Variants in ZRANB3 observed in about 807,000 individuals in gnomAD.
The protein encoded by ZRANB3 is DNA annealing helicase and endonuclease ZRANB3.
In ZRANB3, 125 loss-of-function variants were observed where a neutral mutation model predicts 133.8. The ratio of observed to expected loss-of-function variants is 0.93; its 90% confidence interval spans 0.81 to 1.08. ZRANB3 has a LOEUF of 1.08. Among genes scored for constraint, ZRANB3 ranks in the 50% least tolerant of loss-of-function variants. ZRANB3 has a pLI of 0.00. For synonymous variants in ZRANB3, 387 were observed against 432.7 expected (o/e 0.89, Z 1.31); for missense variants, 1,229 against 1,275.5 (o/e 0.96, Z 0.56).
chr2:135,476,586 G>C (rs1691507196), intron 2 of ZRANB3, among the ~76,000 whole-genome samples: 1 of 151,168 alleles, frequency 6.6e-6, no homozygotes, highest in Non-Finnish European at 1.5e-5. Context: ...ACTGTACTTT[G>C]TACATTTTCT....
At chr2:135,424,598 TGGAAG>T (rs1574083328) in intron 2 of ZRANB3, among the ~76,000 whole-genome samples, 1 of 152,022 alleles carries the variant, frequency 6.6e-6, no homozygotes, top group Non-Finnish European at 1.5e-5. Context: ...CCGAGCATGG[TGGAAG>T]GCACCTGTAA....
At chr2:135,260,617 A>G (rs1659448653) in intron 12 of ZRANB3, among the ~76,000 whole-genome samples, 1 of 147,408 alleles carries the variant, frequency 6.8e-6, no homozygotes, top group Non-Finnish European at 1.5e-5. Flanking sequence ...TATATGTACT[A>G]TATATACTAT....
chr2:135,351,965 A>C (rs1685227097), intron 4 of ZRANB3, among the ~76,000 whole-genome samples: 1 of 152,206 alleles, frequency 6.6e-6, no homozygotes, highest in Non-Finnish European at 1.5e-5. Flanking sequence ...AATAATATAA[A>C]AACTAGATGC....
chr2:135,358,603 G>A (rs1267825493), intron 3 of ZRANB3, among the ~76,000 whole-genome samples: 2 of 152,140 alleles, frequency 1.3e-5, no homozygotes, highest in South Asian at 2.1e-4. Context: ...AGTATGAAAT[G>A]TAAAACATTA....
chr2:135,273,767 C>A (rs577469678), intron 9 of ZRANB3, among the ~76,000 whole-genome samples: 55 of 152,214 alleles, frequency 3.6e-4, no homozygotes, highest in Non-Finnish European at 6.9e-4. Context: ...GAACTCCCGA[C>A]CTCAGATGAT....
chr2:135,380,310 G>T (rs562030976), intron 3 of ZRANB3, among the ~76,000 whole-genome samples: 1 of 152,242 alleles, frequency 6.6e-6, no homozygotes, highest in South Asian at 2.1e-4. Context: ...GCACCAAGCG[G>T]ACCTAATAGA....
intron 8 of ZRANB3, among the ~76,000 whole-genome samples, chr2:135,293,277 G>A (rs989889501): frequency 3.4e-4 from 51 of 152,094 alleles, no homozygotes; most frequent in African/African-American, 1.2e-3. Flanking sequence ...TCATTGAGCA[G>A]TGGTTTGTAG....
intron 20 of ZRANB3, 94 bp from the exon 21 acceptor site, chr2:135,200,534 TAC>T (rs1485773916): frequency 1.0e-6 from 1 of 987,176 alleles, no homozygotes; most frequent in Non-Finnish European, 1.5e-6. Context: ...TTGGAAAATC[TAC>T]AGTCACTACA....
At chr2:135,263,633 C>T (rs1430021898) in intron 12 of ZRANB3, among the ~76,000 whole-genome samples, 1 of 151,934 alleles carries the variant, frequency 6.6e-6, no homozygotes, top group African/African-American at 2.4e-5. Context: ...AGCAAGGAAG[C>T]ACTCAGAGAA....
At chr2:135,247,856 G>A (rs1332172421) in intron 12 of ZRANB3, among the ~76,000 whole-genome samples, 1 of 152,218 alleles carries the variant, frequency 6.6e-6, no homozygotes, top group Non-Finnish European at 1.5e-5. Flanking sequence ...GCGAAAGGGA[G>A]TGTGGAGGGT....
intron 5 of ZRANB3, among the ~76,000 whole-genome samples, chr2:135,346,203 T>C (rs113651760): frequency 0.062 from 9,437 of 152,248 alleles, 576 homozygotes; most frequent in African/African-American, 0.16. Flanking sequence ...TTCACGCCAT[T>C]CTCTCGCCTC....
At chr2:135,355,940 T>C (rs1685411031) in intron 3 of ZRANB3, among the ~76,000 whole-genome samples, 2 of 152,194 alleles carry the variant, frequency 1.3e-5, no homozygotes, top group African/African-American at 4.8e-5. Flanking sequence ...ATTCTATCAC[T>C]AGAACCTCAG....
chr2:135,376,807 C>A (rs1686449682), intron 3 of ZRANB3, among the ~76,000 whole-genome samples: 1 of 152,080 alleles, frequency 6.6e-6, no homozygotes, highest in Non-Finnish European at 1.5e-5. Context: ...AACTTTATCG[C>A]ATAAAGAGTA....
chr2:135,311,485 G>A (rs1682970262), intron 8 of ZRANB3, among the ~76,000 whole-genome samples: 1 of 151,586 alleles, frequency 6.6e-6, no homozygotes, highest in South Asian at 2.1e-4. Context: ...GAAAATATAT[G>A]ACTACACAAA....
chr2:135,472,228 C>T (rs560600176), intron 2 of ZRANB3, among the ~76,000 whole-genome samples: 10 of 152,234 alleles, frequency 6.6e-5, no homozygotes, highest in Admixed American at 2.0e-4. Flanking sequence ...TGGCCGGGCA[C>T]GGTGGCTCAT....
intron 2 of ZRANB3, among the ~76,000 whole-genome samples, chr2:135,441,931 T>A (rs1043397062): frequency 1.3e-5 from 2 of 152,124 alleles, no homozygotes; most frequent in African/African-American, 4.8e-5. Context: ...CAGTCTAAAG[T>A]GAAGGAACAT....
At chr2:135,404,541 A>G (rs1160824816) in intron 2 of ZRANB3, among the ~76,000 whole-genome samples, 1 of 152,244 alleles carries the variant, frequency 6.6e-6, no homozygotes, top group Non-Finnish European at 1.5e-5. Context: ...GATATTATCC[A>G]GGAGAACTTC....
chr2:135,325,428 G>C (rs887882858), intron 6 of ZRANB3, among the ~76,000 whole-genome samples: 2 of 151,272 alleles, frequency 1.3e-5, no homozygotes, highest in African/African-American at 4.9e-5. Context: ...TTTTTTTTGA[G>C]ATGGAGTCTC....
chr2:135,331,194 C>G (rs773910728), intron 6 of ZRANB3, among the ~76,000 whole-genome samples: 1 of 152,140 alleles, frequency 6.6e-6, no homozygotes, highest in African/African-American at 2.4e-5. Flanking sequence ...CTCTTATGGG[C>G]ATTTAGTGCT....
Sources: allele counts gnomAD v4.1 joint callset (sites outside exome capture counted in the v4.1 genomes callset), GRCh38; gene constraint gnomAD v4.1.1; transcripts MANE v1.5; gene names NCBI Gene and HGNC (gene_info 2026-07-23, HGNC 2026-07-21).